Variants in CROCC2 observed in about 807,000 individuals in gnomAD.
CROCC2 encodes the protein ciliary rootlet coiled-coil protein 2.
CROCC2 carries 163 observed loss-of-function variants against 177.6 expected under a neutral mutation model. The observed-to-expected ratio is 0.92, with a 90% CI of 0.81 to 1.05. The LOEUF (loss-of-function observed/expected upper bound fraction) is 1.05. Among genes scored for constraint, CROCC2 ranks in the 50% least tolerant of loss-of-function variants. CROCC2 has a pLI of 0.00. For missense variants in CROCC2, 1,929 were observed against 1,797.8 expected (o/e 1.07, Z -1.32); for synonymous variants, 904 against 787.3 (o/e 1.15, Z -2.48).
At chr2:240,962,096 A>ACT (rs2059646381) in intron 20 of CROCC2, among the ~76,000 whole-genome samples, 2 of 149,194 alleles carry the variant, frequency 1.3e-5, no homozygotes, top group South Asian at 2.1e-4. Flanking sequence ...ACACACACAC[A>ACT]CTCTCACCCT....
At chr2:240,929,890 C>T (rs1225092790) in intron 5 of CROCC2, among the ~76,000 whole-genome samples, 1 of 152,158 alleles carries the variant, frequency 6.6e-6, no homozygotes, top group Non-Finnish European at 1.5e-5. Flanking sequence ...TTCAGGGGCC[C>T]ACGCACCCCA....
intron 27 of CROCC2, among the ~76,000 whole-genome samples, chr2:240,970,226 G>A (rs4072370): frequency 0.07 from 10,709 of 152,106 alleles, 912 homozygotes; most frequent in East Asian, 0.41. Flanking sequence ...GAAGTTTCTC[G>A]GTTAACTTTT....
rs2106469799 is a variant in CROCC2 at position 240,949,849 on chromosome 2, T to A, written c.2652+147T>A. 3 of 852,910 alleles carry A rather than the reference T, an allele frequency of 3.5e-6. No individual in the cohort carries two copies. Among genetic ancestry groups the A allele is most frequent in the Middle Eastern group, 3.6e-4 (1 of 2,776 alleles). 52.8% of individuals were successfully genotyped at this position (852,910 alleles called of 1,614,324 possible). ...GGCTGGGCAAGGACCAGCTCACTCT[T>A]TATAGTTCACGTGGGCATCCAGGGC... On this transcript the variant is annotated intron_variant, in intron 17 of 31. Coordinates refer to ENST00000690015, the MANE Select transcript of CROCC2 (RefSeq NM_001351305.2). This position sits in a 1 kb window ranked among gnomAD's most constrained non-coding sequence, Gnocchi z 4.5.
intron 29 of CROCC2, among the ~76,000 whole-genome samples, chr2:240,989,132 T>A (rs1489640347): frequency 6.6e-6 from 1 of 152,078 alleles, no homozygotes; most frequent in Non-Finnish European, 1.5e-5. Flanking sequence ...CCGGGCTCTG[T>A]AGAGCAGCAC....
At chr2:240,910,928 T>G (rs554793864) in intron 1 of CROCC2, among the ~76,000 whole-genome samples, 2 of 152,026 alleles carry the variant, frequency 1.3e-5, no homozygotes, top group South Asian at 4.1e-4. Context: ...GTCAGGAGTT[T>G]GAGACCAGCC....
At position 240,948,133 on chromosome 2, in the gene CROCC2, G is replaced by A. The variant is rs2059534098; in HGVS notation, c.2364-846G>A. 3.9e-5 allele frequency among the ~76,000 whole-genome samples: 6 copies of A among 152,254 alleles called. No homozygotes were observed. In the South Asian group the frequency reaches 1.2e-3, roughly 32 times the overall value. The stretch of plus-strand genomic sequence containing the variant: ...AGGTGAAGAGAGCACTCAAGCCTGG[G>A]AGTGTTGGGATGGGGGCCATGAGGA... On this transcript the variant is annotated intron_variant, in intron 15 of 31. Transcript: ENST00000690015.
In CROCC2 at chr2:240,960,919, G is replaced by GGGAGGGGGAGGGGGAGGTGT. The variant is rs2059628014; in HGVS notation, c.3087+1480_3087+1499dup. ...AGATTGCAAAACTGGGGGCAGCAGG[G>GGGAGGGGGAGGGGGAGGTGT]GGAGGGGGAGGGGGAGGTGTGGAGA... On this transcript the variant is annotated intron_variant, in intron 20 of 31. Coordinates refer to ENST00000690015, the MANE Select transcript of CROCC2 (RefSeq NM_001351305.2). The surrounding 1 kb of genome is among the most constrained non-coding windows in gnomAD (Gnocchi z 5.0). Among the ~76,000 whole-genome samples, 1 of 151,810 alleles carries GGGAGGGGGAGGGGGAGGTGT rather than the reference G, an allele frequency of 6.6e-6. No individual in the cohort carries two copies. The highest frequency in any genetic ancestry group is 1.5e-5 in the Non-Finnish European group (1 of 67,904).
rs2059549569 is a variant in CROCC2 at position 240,950,687 on chromosome 2, C to G, written c.2829+177C>G. On this transcript the variant is annotated intron_variant, in intron 18 of 31. Transcript: ENST00000690015. ...CTCACCCACCCACCTATCTGTTCAT[C>G]CAGCCATCTGTCCATTCATTCACCC... 4.8e-6 allele frequency: 3 copies of G among 618,834 alleles called. No homozygotes were observed. The South Asian group carries it at 6.7e-5, about 14-fold the overall frequency. The allele number at this position is 618,834 out of a possible 1,614,324, so 38.3% of individuals were successfully genotyped here.
chr2:240,933,454 A>T, intron 10 of CROCC2, 112 bp downstream of exon 10: 1 of 1,227,820 alleles, frequency 8.1e-7, no homozygotes, highest in South Asian at 1.6e-5. Context: ...CCAGCCGGGG[A>T]GGGGTCCTTG....
chr2:240,964,316 A>T (rs977939445), intron 21 of CROCC2, 150 bp from the exon 22 acceptor site: 40 of 929,880 alleles, frequency 4.3e-5, no homozygotes, highest in Non-Finnish European at 6.4e-5. Flanking sequence ...CTGTAAGGTG[A>T]CAGGGAACCC....
intron 1 of CROCC2, among the ~76,000 whole-genome samples, chr2:240,916,569 CTCCAGCT>C (rs1342124163): frequency 6.7e-6 from 1 of 150,080 alleles, no homozygotes. Flanking sequence ...CCCCCTCCGG[CTCCAGCT>C]GGGCCGCGGC....
intron 14 of CROCC2, among the ~76,000 whole-genome samples, chr2:240,944,732 T>C (rs998817344): frequency 3.9e-5 from 6 of 152,216 alleles, no homozygotes; most frequent in African/African-American, 1.4e-4. Flanking sequence ...TTGTGTCTGA[T>C]AACTCCAATA....
intron 5 of CROCC2, among the ~76,000 whole-genome samples, chr2:240,929,920 G>A (rs886490214): frequency 3.9e-5 from 6 of 152,196 alleles, no homozygotes; most frequent in African/African-American, 1.4e-4. Flanking sequence ...CTCCATGCAC[G>A]CAGGCTGGCC....
chr2:240,933,961 A>C, intron 11 of CROCC2, 109 bp downstream of exon 11: 292 of 1,229,288 alleles, frequency 2.4e-4, no homozygotes, highest in Middle Eastern at 5.7e-4. Context: ...CACCTGTCTC[A>C]TCTCAGGGTG....
chr2:240,981,405 G>A (rs2059798863), intron 27 of CROCC2: 1 of 152,286 alleles, frequency 6.6e-6, no homozygotes, highest in South Asian at 2.1e-4. Flanking sequence ...TTCAAGGTTT[G>A]TTTTGCCAGC....
At chr2:240,968,398 G>T (rs1311749624) in intron 27 of CROCC2, 136 bp downstream of exon 27, 1 of 1,208,578 alleles carries the variant, frequency 8.3e-7, no homozygotes, top group Non-Finnish European at 1.1e-6. Flanking sequence ...GGGTGTTCGG[G>T]GCTGGAGCCA....
At chr2:240,910,372 C>T (rs1229865772) in intron 1 of CROCC2, among the ~76,000 whole-genome samples, 2 of 140,240 alleles carry the variant, frequency 1.4e-5, no homozygotes, top group African/African-American at 5.1e-5. Context: ...GCTCCTCAGA[C>T]TCCCGTTCCT....
In CROCC2 at chr2:240,920,149, C is replaced by T. The variant is rs745907994; in HGVS notation, c.381+15C>T. The T allele has an allele frequency of 1.2e-5, 8 of 656,790 alleles. No homozygotes were observed. The highest frequency in any genetic ancestry group is 2.0e-5 in the Non-Finnish European group (7 of 354,398). The allele number at this position is 656,790 out of a possible 1,614,324, so 40.7% of individuals were successfully genotyped here. A position where few individuals can be genotyped will look rare whatever the true frequency, so the allele number is the denominator to read the frequency against. On this transcript the variant is annotated intron_variant, in intron 3 of 31. Transcript: ENST00000690015. ...TCAGCGAGCAGGTGCGTGTGTGCAG[C>T]AGACTCAGGGCAGGCGGGAGGTGGC...
chr2:240,914,377 G>A (rs367556725), intron 1 of CROCC2, among the ~76,000 whole-genome samples: 8 of 152,224 alleles, frequency 5.3e-5, no homozygotes, highest in East Asian at 1.9e-4. Flanking sequence ...AGTGGAGAGC[G>A]TGGAGAACCC....
Sources: allele counts gnomAD v4.1 joint callset (sites outside exome capture counted in the v4.1 genomes callset), GRCh38; gene constraint gnomAD v4.1.1; non-coding constraint Gnocchi (gnomAD v3.1); transcripts MANE v1.5; gene names NCBI Gene and HGNC (gene_info 2026-07-23, HGNC 2026-07-21).